The following ITPR1 variants were observed in gnomAD, a reference collection of about 807,000 sequenced individuals.
The protein encoded by ITPR1 is inositol 1,4,5-trisphosphate-gated calcium channel ITPR1.
Under a neutral mutation model 318.4 loss-of-function variants are expected in ITPR1, and 96 were observed. The ratio of observed to expected loss-of-function variants is 0.30; its 90% CI spans 0.26 to 0.36. ITPR1 has a LOEUF of 0.36. Among genes scored for constraint, ITPR1 ranks in the 10% least tolerant of loss-of-function variants. The probability of loss-of-function intolerance (pLI) is 1.00; values close to 1 mark genes in which losing one functional copy is unlikely to be tolerated. For missense variants in ITPR1, 2,440 were observed against 3,460.2 expected (o/e 0.71, Z 7.40); for synonymous variants, 1,312 against 1,289.9 (o/e 1.02, Z -0.37).
chr3:4,674,324 A>G lies in ITPR1; in HGVS notation c.2579A>G (p.Lys860Arg). 1 of 1,607,774 alleles carries G rather than the reference A, an allele frequency of 6.2e-7. No individual in the cohort carries two copies. Among genetic ancestry groups the G allele is most frequent in the Non-Finnish European group, 8.5e-7 (1 of 1,176,802 alleles). ...AGGTTCCCTTTCTCTGATAAAGAGA[A>G]GAATAAGCTTACGTTTGAGGTAACT... ...CQRFPFSDKE[K>R]NKLTFEVVNL... The change falls in exon 22 of 62, where the codon AAG (lysine) becomes AGG (arginine). Residue 860 changes from lysine to arginine, a missense_variant. This residue lies in a region of ITPR1 where 478 missense variants were observed against 696.3 expected (regional missense o/e 0.69). Coordinates refer to ENST00000649015, the MANE Select transcript of ITPR1 (RefSeq NM_001378452.1).
At chr3:4,612,536 T>C (rs1435519366) in intron 4 of ITPR1, among the ~76,000 whole-genome samples, 1 of 151,828 alleles carries the variant, frequency 6.6e-6, no homozygotes, top group Non-Finnish European at 1.5e-5. Context: ...GTCCCCCTGA[T>C]CATTTTGAAG....
In ITPR1 at chr3:4,818,374, A is replaced by G. The variant is rs2049444367; in HGVS notation, c.8028+132A>G. On this transcript the variant is annotated intron_variant, in intron 60 of 61. Transcript: ENST00000649015. ...GATGTTGCCTGAGCCCTTCTCACGGATGGGGCGCTGTGCTCTGTGAACTTC... is the reference window on the plus strand; with the variant it reads ...GATGTTGCCTGAGCCCTTCTCACGGGTGGGGCGCTGTGCTCTGTGAACTTC... 46 of 655,076 alleles carry G rather than the reference A, an allele frequency of 7.0e-5. No individual in the cohort carries two copies. The South Asian group carries it at 1.6e-3, about 22-fold the overall frequency. The allele number at this position is 655,076 out of a possible 1,614,324, so 40.6% of individuals were successfully genotyped here.
Position 4,846,231 on chromosome 3 carries a change from T to TGAAA in ITPR1, c.*12_*15dup. 1 of 1,534,940 alleles carries TGAAA rather than the reference T, an allele frequency of 6.5e-7. No individual in the cohort carries two copies. Among genetic ancestry groups the TGAAA allele is most frequent in the South Asian group, 1.2e-5 (1 of 83,750 alleles). On this transcript the variant is annotated 3_prime_UTR_variant, in exon 62 of 62. Coordinates refer to ENST00000649015, the MANE Select transcript of ITPR1 (RefSeq NM_001378452.1). ...ACCCACAACAACCAGCATAAGCAAATGAAAGAAAGGAATTGTATTTACCTT... is the reference window on the plus strand; with the variant it reads ...ACCCACAACAACCAGCATAAGCAAATGAAAGAAAGAAAGGAATTGTATTTACCTT...
intron 3 of ITPR1, among the ~76,000 whole-genome samples, chr3:4,517,210 G>A (rs530387547): frequency 6.6e-6 from 1 of 152,052 alleles, no homozygotes; most frequent in Non-Finnish European, 1.5e-5. Context: ...CTCCTCCTAC[G>A]CCTATTGTCT....
At chr3:4,702,805 C>T (rs759302890) in intron 35 of ITPR1, 25 bp from the exon 36 acceptor site, 9 of 1,610,610 alleles carry the variant, frequency 5.6e-6, no homozygotes, top group South Asian at 3.3e-5. Context: ...CTGTTTTTCA[C>T]GTTGCCTCTT....
intron 44 of ITPR1, 33 bp from the exon 45 acceptor site, chr3:4,766,497 C>T (rs1233744421): frequency 6.3e-7 from 1 of 1,596,800 alleles, no homozygotes; most frequent in Non-Finnish European, 8.6e-7. Context: ...TGGTCAGTTA[C>T]AGTGTTCACA....
intron 4 of ITPR1, among the ~76,000 whole-genome samples, chr3:4,582,232 T>G (rs184515233): frequency 6.6e-6 from 1 of 152,242 alleles, no homozygotes; most frequent in African/African-American, 2.4e-5. Context: ...AATTTTCCTC[T>G]CCCCTTAGCA....
intron 4 of ITPR1, among the ~76,000 whole-genome samples, chr3:4,544,126 A>T (rs898308020): frequency 6.6e-6 from 1 of 152,170 alleles, no homozygotes; most frequent in Non-Finnish European, 1.5e-5. Context: ...ATTGGGTTTA[A>T]TGCTTATTCC....
chr3:4,644,275 C>G, intron 8 of ITPR1, 41 bp downstream of exon 8: 1 of 1,408,048 alleles, frequency 7.1e-7, no homozygotes, highest in Non-Finnish European at 9.9e-7. Flanking sequence ...GGTTATCCTG[C>G]AGGAGCGGGT....
intron 4 of ITPR1, among the ~76,000 whole-genome samples, chr3:4,619,168 T>C (rs1269084206): frequency 7.2e-5 from 11 of 152,172 alleles, no homozygotes; most frequent in Admixed American, 7.2e-4. Flanking sequence ...GAGCCTTCTT[T>C]TTTCTTGCTG....
intron 2 of ITPR1, among the ~76,000 whole-genome samples, chr3:4,514,450 G>C (rs2082046330): frequency 6.6e-6 from 1 of 152,148 alleles, no homozygotes; most frequent in African/African-American, 2.4e-5. Context: ...ACACTGAATT[G>C]TCTGCTTCTT....
Position 4,562,720 on chromosome 3 carries a change from C to T in ITPR1, c.163+41626C>T, listed in dbSNP as rs903057172. On this transcript the variant is annotated intron_variant, in intron 4 of 61. Coordinates refer to ENST00000649015, the MANE Select transcript of ITPR1 (RefSeq NM_001378452.1). The stretch of plus-strand genomic sequence containing the variant: ...AAATGACTCACCTTTGAAGGTGGTA[C>T]GCATTCATTAAAAAAAAAAAAAATC... Among the ~76,000 whole-genome samples the T allele has an allele frequency of 5.8e-5, 6 of 102,700 alleles. No homozygotes were observed. In the South Asian group the frequency reaches 1.3e-3, roughly 22 times the overall value. The allele number at this position is 102,700 out of a possible 152,430, so 67.4% of individuals were successfully genotyped here. A position where few individuals can be genotyped will look rare whatever the true frequency, so the allele number is the denominator to read the frequency against.
intron 2 of ITPR1, among the ~76,000 whole-genome samples, chr3:4,511,122 C>T (rs1575359333): frequency 6.6e-6 from 1 of 152,258 alleles, no homozygotes; most frequent in East Asian, 1.9e-4. Context: ...GAATCCTCTT[C>T]ACGTAACAGT....
intron 44 of ITPR1, among the ~76,000 whole-genome samples, chr3:4,763,460 G>A (rs2045595874): frequency 6.6e-6 from 1 of 152,086 alleles, no homozygotes; most frequent in Admixed American, 6.5e-5. Context: ...GATACCAAGA[G>A]TAGTGTAACT....
intron 4 of ITPR1, among the ~76,000 whole-genome samples, chr3:4,597,271 A>G (rs1258837772): frequency 6.6e-6 from 1 of 152,228 alleles, no homozygotes; most frequent in East Asian, 1.9e-4. Context: ...GTTGTCTGTG[A>G]GCTGGATTTG....
chr3:4,571,246 C>G (rs976027915), intron 4 of ITPR1, among the ~76,000 whole-genome samples: 2 of 152,196 alleles, frequency 1.3e-5, no homozygotes, highest in Non-Finnish European at 2.9e-5. Flanking sequence ...AGAGCTGGGA[C>G]TAAATGATGC....
intron 44 of ITPR1, among the ~76,000 whole-genome samples, chr3:4,757,608 G>A (rs1050878843): frequency 3.3e-5 from 5 of 152,188 alleles, no homozygotes; most frequent in Admixed American, 3.3e-4. Flanking sequence ...TGGGTGCCAG[G>A]GCACTTATTA....
chr3:4,658,054 T>C, intron 12 of ITPR1, 70 bp from the exon 13 acceptor site: 1 of 1,407,978 alleles, frequency 7.1e-7, no homozygotes, highest in African/African-American at 1.4e-5. Context: ...TCCTGTGGAT[T>C]GTGGAATAAT....
intron 40 of ITPR1, among the ~76,000 whole-genome samples, chr3:4,717,703 C>G (rs1012940970): frequency 1.3e-5 from 2 of 152,202 alleles, no homozygotes; most frequent in African/African-American, 4.8e-5. Flanking sequence ...GGCCATTAAC[C>G]TATCTCTGAA....
Sources: gnomAD v4.1 joint callset for allele counts (sites outside exome capture counted in the v4.1 genomes callset) on GRCh38, gnomAD v4.1.1 for gene constraint, gnomAD v4.1.1 regional missense constraint, MANE v1.5 for transcripts, NCBI Gene and HGNC (gene_info 2026-07-23, HGNC 2026-07-21) for gene names.